Variants in PTPDC1 observed in about 807,000 individuals in gnomAD.
PTPDC1 encodes the protein protein tyrosine phosphatase domain containing 1.
A neutral mutation model predicts 75.3 loss-of-function variants in PTPDC1; 53 were observed. The ratio of observed to expected loss-of-function variants is 0.70; its 90% CI spans 0.56 to 0.88. PTPDC1 has a LOEUF of 0.88. Among genes scored for constraint, PTPDC1 ranks in the 40% least tolerant of loss-of-function variants. PTPDC1 has a pLI of 0.00. For synonymous variants in PTPDC1, 349 were observed against 366.2 expected (o/e 0.95, Z 0.54); for missense variants, 925 against 998.6 (o/e 0.93, Z 0.99).
upstream of PTPDC1, chr9:94,084,418 G>A: frequency 6.8e-7 from 1 of 1,479,336 alleles, no homozygotes; most frequent in Non-Finnish European, 8.9e-7. Flanking sequence ...CAGCCAATCT[G>A]AATGGCTCTT....
chr9:94,047,229 C>G (rs1477335408), intron 1 of PTPDC1, among the ~76,000 whole-genome samples: 1 of 152,130 alleles, frequency 6.6e-6, no homozygotes, highest in Admixed American at 6.6e-5. Context: ...TTTTGATGTG[C>G]TGCTGGATTT....
At chr9:94,100,236 G>C (rs1417251389) in intron 6 of PTPDC1, 2 of 152,324 alleles carry the variant, frequency 1.3e-5, no homozygotes, top group African/African-American at 2.4e-5. Context: ...CAGAGTCAGG[G>C]TACAGCACAT....
At chr9:94,055,042 C>T (rs1352761209) in intron 1 of PTPDC1, among the ~76,000 whole-genome samples, 2 of 152,004 alleles carry the variant, frequency 1.3e-5, no homozygotes, top group Non-Finnish European at 2.9e-5. Flanking sequence ...TTTTGTAGAG[C>T]GAATATTATG....
At chr9:94,082,725 C>T (rs1826926558), upstream of PTPDC1, among the ~76,000 whole-genome samples, 4 of 152,140 alleles carry the variant, frequency 2.6e-5, no homozygotes, top group South Asian at 8.3e-4. Context: ...GCTTGACTTC[C>T]TTAGACATTG....
chr9:94,076,113 G>C (rs912388640), intron 2 of PTPDC1, among the ~76,000 whole-genome samples: 1 of 152,088 alleles, frequency 6.6e-6, no homozygotes, highest in Non-Finnish European at 1.5e-5. Flanking sequence ...CAATTCTTCT[G>C]CCTCAGCCTC....
At chr9:94,106,071 T>C (rs1828015205) in intron 8 of PTPDC1, among the ~76,000 whole-genome samples, 1 of 152,200 alleles carries the variant, frequency 6.6e-6, no homozygotes, top group Non-Finnish European at 1.5e-5. Context: ...ATTAAATTCC[T>C]GAGCTTAACT....
intron 1 of PTPDC1, among the ~76,000 whole-genome samples, chr9:94,042,320 C>T (rs1037058831): frequency 1.3e-5 from 2 of 152,174 alleles, no homozygotes; most frequent in African/African-American, 4.8e-5. Context: ...TCCCCATCCC[C>T]TTCAGTGAGA....
At chr9:94,056,898 CTG>C (rs1825956507) in intron 1 of PTPDC1, among the ~76,000 whole-genome samples, 2 of 152,040 alleles carry the variant, frequency 1.3e-5, no homozygotes, top group African/African-American at 2.4e-5. Flanking sequence ...TAAAAGGAAA[CTG>C]TAGGACTGAG....
chr9:94,085,207 T>C (rs370843653), intron 1 of PTPDC1, 44 bp from the exon 2 acceptor site: 21 of 1,547,506 alleles, frequency 1.4e-5, no homozygotes, highest in Admixed American at 1.7e-5. Flanking sequence ...ACAATTTCAT[T>C]TGGAGAGTGG....
intron 1 of PTPDC1, among the ~76,000 whole-genome samples, chr9:94,063,643 A>G (rs904473626): frequency 3.3e-5 from 5 of 152,342 alleles, no homozygotes; most frequent in Non-Finnish European, 7.4e-5. Context: ...TTTTGAGCGT[A>G]TAAAGATTGC....
intron 1 of PTPDC1, among the ~76,000 whole-genome samples, chr9:94,047,052 T>A (rs1050579428): frequency 3.3e-5 from 5 of 152,216 alleles, no homozygotes; most frequent in Non-Finnish European, 7.3e-5. Context: ...GTTTTTAGCA[T>A]GAAGGTTGTT....
intron 1 of PTPDC1, 98 bp from the exon 2 acceptor site, chr9:94,085,153 G>T (rs1587886205): frequency 4.6e-6 from 5 of 1,082,058 alleles, no homozygotes; most frequent in Non-Finnish European, 1.3e-6. Context: ...GCACTGGCTT[G>T]TCATCTACCA....
chr9:94,069,667 C>T (rs1303476955), intron 2 of PTPDC1, among the ~76,000 whole-genome samples: 1 of 151,448 alleles, frequency 6.6e-6, no homozygotes, highest in Non-Finnish European at 1.5e-5. Context: ...ATTACAGGCA[C>T]CCGCCACTGC....
chr9:94,034,072 C>T (rs1475421850), intron 1 of PTPDC1, among the ~76,000 whole-genome samples: 2 of 152,136 alleles, frequency 1.3e-5, no homozygotes, highest in African/African-American at 4.8e-5. Flanking sequence ...AAAGTAATTA[C>T]AGATTTTGAT....
chr9:94,089,872 G>C, intron 4 of PTPDC1, among the ~76,000 whole-genome samples: 1 of 113,118 alleles, frequency 8.8e-6, no homozygotes. Flanking sequence ...CTGCATAAAT[G>C]TCTTCTTTTG....
intron 4 of PTPDC1, 70 bp from the exon 5 acceptor site, chr9:94,095,247 T>A: frequency 8.7e-7 from 1 of 1,145,650 alleles, no homozygotes; most frequent in Non-Finnish European, 1.2e-6. Flanking sequence ...ATCTGTGTAC[T>A]TTTCATTAGT....
At chr9:94,056,806 A>G (rs114994868) in intron 1 of PTPDC1, among the ~76,000 whole-genome samples, 16 of 152,326 alleles carry the variant, frequency 1.1e-4, no homozygotes, top group African/African-American at 3.8e-4. Flanking sequence ...CCATTCCTGC[A>G]CTTACGTTTT....
intron 1 of PTPDC1, among the ~76,000 whole-genome samples, chr9:94,036,019 A>ATTTT (rs1825251224): frequency 1.4e-5 from 1 of 74,044 alleles, no homozygotes; most frequent in African/African-American, 6.7e-5. Flanking sequence ...TAATCGGATT[A>ATTTT]TTTGTTTTTT....
chr9:94,060,758 C>T (rs1226484558), intron 1 of PTPDC1, among the ~76,000 whole-genome samples: 1 of 152,142 alleles, frequency 6.6e-6, no homozygotes, highest in Non-Finnish European at 1.5e-5. Flanking sequence ...CTATACACTA[C>T]CAAAGGGGGA....
Sources: allele counts gnomAD v4.1 joint callset (sites outside exome capture counted in the v4.1 genomes callset), GRCh38; gene constraint gnomAD v4.1.1; transcripts MANE v1.5; gene names NCBI Gene and HGNC (gene_info 2026-07-23, HGNC 2026-07-21).